The following SEC23A variants were observed in gnomAD, a reference collection of about 807,000 sequenced individuals.
The protein encoded by SEC23A is SEC23 homolog A, COPII component.
In SEC23A, 56 loss-of-function variants were observed where a neutral mutation model predicts 103.7. The observed-to-expected ratio is 0.54, with a 90% confidence interval of 0.44 to 0.67. The LOEUF (loss-of-function observed/expected upper bound fraction) is 0.67, where lower values mean the gene tolerates loss of function less well. Ranked by LOEUF, SEC23A falls within the 30% of genes least tolerant of loss-of-function variation. The pLI, the probability that SEC23A is intolerant of heterozygous loss-of-function variation, is 0.00. For missense variants in SEC23A, 784 were observed against 936.4 expected, an observed-to-expected ratio of 0.84 and a Z score of 2.12; for synonymous variants, 281 against 293.0, an observed-to-expected ratio of 0.96 and a Z score of 0.42.
At chr14:39,075,084 G>A (rs1886970006) in intron 8 of SEC23A, among the ~76,000 whole-genome samples, 1 of 152,048 alleles carries the variant, frequency 6.6e-6, no homozygotes. Context: ...TCCAGTCTGG[G>A]CAACAGAGCG....
intron 1 of SEC23A, among the ~76,000 whole-genome samples, chr14:39,097,335 A>G (rs546488203): frequency 6.6e-6 from 1 of 152,304 alleles, no homozygotes; most frequent in East Asian, 1.9e-4. Flanking sequence ...GAGGACAAAG[A>G]CATTCAAGTG....
intron 12 of SEC23A, 42 bp downstream of exon 12, chr14:39,063,282 T>C (rs1336478127): frequency 2.6e-6 from 3 of 1,151,142 alleles, no homozygotes; most frequent in Non-Finnish European, 2.6e-6. Context: ...CTTATTCAAA[T>C]GTACGTTGTA....
chr14:39,066,398 G>T (rs755792960), intron 10 of SEC23A, among the ~76,000 whole-genome samples: 7 of 151,428 alleles, frequency 4.6e-5, no homozygotes, highest in Admixed American at 6.6e-5. Flanking sequence ...ATCCAAATTT[G>T]AAATAAATGA....
At chr14:39,078,075 C>T (rs1403543822) in intron 7 of SEC23A, among the ~76,000 whole-genome samples, 6 of 151,744 alleles carry the variant, frequency 4.0e-5, no homozygotes, top group African/African-American at 1.2e-4. Flanking sequence ...CAAAGGGAGA[C>T]CTTGTCTGAA....
At position 39,055,257 on chromosome 14, in the gene SEC23A, T is replaced by C. The variant is rs1300887645; in HGVS notation, c.1545A>G (p.Ala515=). 6.2e-7 allele frequency: 1 copy of C among 1,614,064 alleles called. No individual in the cohort carries two copies. The highest frequency in any genetic ancestry group is 8.5e-7 in the Non-Finnish European group (1 of 1,180,038). ...DAQTQIQNIA[A]SFDQEAAAIL... ...TGGCAGCTGCCTCCTGGTCAAAAGA[T>C]GCAGCAATGTTTTGGATTTGAGTTT... The change falls in exon 14 of 20, where the codon GCA becomes GCG. Residue 515 remains alanine, a synonymous_variant. Transcript: ENST00000307712.
At chr14:39,046,785 G>C (rs572830705) in intron 15 of SEC23A, among the ~76,000 whole-genome samples, 1 of 152,300 alleles carries the variant, frequency 6.6e-6, no homozygotes, top group East Asian at 1.9e-4. Flanking sequence ...ATAATGGACA[G>C]TTACACTGGG....
chr14:39,077,548 G>A (rs1304805395), intron 7 of SEC23A, among the ~76,000 whole-genome samples: 1 of 150,118 alleles, frequency 6.7e-6, no homozygotes, highest in Non-Finnish European at 1.5e-5. Context: ...TCAAAAAAAA[G>A]AAAGAAAGAG....
chr14:39,053,910 G>T lies in SEC23A; in HGVS notation c.1659+1233C>A, dbSNP rs79203420. ...CACTCTGGGAGACTAAGGTGGGAGG[G>T]GTGCTTGAGCATAGCAGTTTGAGAC... On this transcript the variant is annotated intron_variant, in intron 14 of 19. Transcript: ENST00000307712. Among the ~76,000 whole-genome samples the T allele has an allele frequency of 5.5e-3, 835 of 151,922 alleles. 4 individuals are homozygous for T. The highest frequency in any genetic ancestry group is 0.02 in the African/African-American group (815 of 41,422).
At chr14:39,062,016 A>G in intron 12 of SEC23A, 145 bp from the exon 13 acceptor site, 1 of 655,372 alleles carries the variant, frequency 1.5e-6, no homozygotes. Context: ...CAAAACAGTT[A>G]TAATTTGTTA....
chr14:39,094,134 T>C (rs1887757809), intron 2 of SEC23A, among the ~76,000 whole-genome samples: 1 of 151,086 alleles, frequency 6.6e-6, no homozygotes, highest in Non-Finnish European at 1.5e-5. Context: ...GTTTCTCCCA[T>C]CTTCAGCCTC....
chr14:39,040,196 G>A (rs1446759679), intron 18 of SEC23A: 2 of 152,340 alleles, frequency 1.3e-5, no homozygotes, highest in African/African-American at 4.8e-5. Flanking sequence ...AGGTCTCAAA[G>A]CAACTGTGTA....
At chr14:39,059,278 TAAAAAAAAAAAAAAAAAAAA>T (rs750853379) in intron 13 of SEC23A, among the ~76,000 whole-genome samples, 1,069 of 71,942 alleles carry the variant, frequency 0.015, 47 homozygotes, top group African/African-American at 0.052. Flanking sequence ...AGTCCTAGTT[TAAAAAAAAAAAAAAAAAAAA>T]AAAAAAAAAA....
At chr14:39,098,031 G>A (rs1458128485) in intron 1 of SEC23A, among the ~76,000 whole-genome samples, 2 of 151,946 alleles carry the variant, frequency 1.3e-5, no homozygotes, top group African/African-American at 4.8e-5. Flanking sequence ...AGAGGTTGTG[G>A]TGAGCTGAGA....
chr14:39,074,140 T>C (rs1316536225), intron 9 of SEC23A, among the ~76,000 whole-genome samples: 1 of 152,236 alleles, frequency 6.6e-6, no homozygotes, highest in Admixed American at 6.5e-5. Flanking sequence ...ATGTGAATTT[T>C]ATCTCAAAAA....
chr14:39,056,682 T>G (rs1886263013), intron 13 of SEC23A, among the ~76,000 whole-genome samples: 1 of 151,930 alleles, frequency 6.6e-6, no homozygotes, highest in African/African-American at 2.4e-5. Flanking sequence ...AGGCTGGTCT[T>G]GAACTCCTGA....
intron 14 of SEC23A, among the ~76,000 whole-genome samples, chr14:39,054,530 G>A (rs954295702): frequency 2.0e-5 from 3 of 152,024 alleles, no homozygotes; most frequent in African/African-American, 7.2e-5. Context: ...GAATGCAGCA[G>A]CACAATCACA....
chr14:39,102,852 A>G (rs1016869011), intron 1 of SEC23A, among the ~76,000 whole-genome samples, 180 bp downstream of exon 1: 2 of 152,158 alleles, frequency 1.3e-5, no homozygotes, highest in Non-Finnish European at 2.9e-5. Flanking sequence ...CGGCCCCGGC[A>G]GAGCGAAGTG....
At chr14:39,080,179 C>T (rs980532501) in intron 7 of SEC23A, among the ~76,000 whole-genome samples, 1 of 152,070 alleles carries the variant, frequency 6.6e-6, no homozygotes, top group African/African-American at 2.4e-5. Context: ...CTCTCATGCT[C>T]TCATTGCAAT....
In SEC23A at chr14:39,034,100, A is replaced by G. The variant is rs555364469; in HGVS notation, c.2209-772T>C. On this transcript the variant is annotated intron_variant, in intron 19 of 19. Coordinates refer to ENST00000307712, the MANE Select transcript of SEC23A (RefSeq NM_006364.4). ...ACAAACATGCCATAACCTCTCCTGA[A>G]TAAAGGGAAATCAATTTTATCATAT... Among the ~76,000 whole-genome samples, 94 of 152,334 alleles carry G rather than the reference A, an allele frequency of 6.2e-4. 3 individuals carry two copies. In the South Asian group the frequency reaches 0.019, roughly 30 times the overall value.
Sources: gnomAD v4.1 joint callset for allele counts (sites outside exome capture counted in the v4.1 genomes callset) on GRCh38, gnomAD v4.1.1 for gene constraint, MANE v1.5 for transcripts, NCBI Gene and HGNC (gene_info 2026-07-23, HGNC 2026-07-21) for gene names.